Variants in FBN3 observed in about 807,000 individuals in gnomAD.
FBN3 encodes the protein fibrillin 3.
FBN3 carries 234 observed loss-of-function variants against 330.1 expected under a neutral mutation model. The observed-to-expected ratio is 0.71, with a 90% CI of 0.64 to 0.79. The LOEUF (loss-of-function observed/expected upper bound fraction) is 0.79, where lower values mean the gene tolerates loss of function less well. Among genes scored for constraint, FBN3 ranks in the 30% least tolerant of loss-of-function variants. The pLI, the probability that FBN3 is intolerant of heterozygous loss-of-function variation, is 0.00. For missense variants in FBN3, 3,606 were observed against 3,886.9 expected (o/e 0.93, Z 1.92); for synonymous variants, 1,458 against 1,517.3 (o/e 0.96, Z 0.91).
chr19:8,070,310 AGAT>A (rs367964529), intron 63 of FBN3, among the ~76,000 whole-genome samples: 3 of 152,352 alleles, frequency 2.0e-5, no homozygotes, highest in Admixed American at 6.5e-5. Context: ...GTGTTATAAA[AGAT>A]GATATGTTTT....
chr19:8,091,339 CAG>C, intron 48 of FBN3, 124 bp downstream of exon 48: 1 of 1,299,610 alleles, frequency 7.7e-7, no homozygotes. Context: ...CTAATGCAAA[CAG>C]ACACCTCTGC....
intron 56 of FBN3, among the ~76,000 whole-genome samples, chr19:8,083,866 G>A (rs574158250): frequency 7.1e-4 from 105 of 147,490 alleles, no homozygotes; most frequent in African/African-American, 2.4e-3. Context: ...GCAGTGACAC[G>A]ATCTCTGCTC....
At chr19:8,107,225 G>A (rs563619442) in intron 37 of FBN3, among the ~76,000 whole-genome samples, 2 of 144,568 alleles carry the variant, frequency 1.4e-5, no homozygotes, top group African/African-American at 5.0e-5. Flanking sequence ...ATGGTTGGGT[G>A]GAAGGATGGA....
chr19:8,109,171 G>T lies in FBN3; in HGVS notation c.4618+56C>A. The T allele has an allele frequency of 2.6e-6, 4 of 1,558,808 alleles. No homozygotes were observed. In the South Asian group the frequency reaches 4.7e-5, roughly 18 times the overall value. ...GCCATTAGCAGAGGTGACCCCCTAA[G>T]CTCCCGGGCCTCGGTGGCTTAGGTC... On this transcript the variant is annotated intron_variant, in intron 36 of 63. Coordinates refer to ENST00000600128, the MANE Select transcript of FBN3 (RefSeq NM_032447.5). This position sits in a 1 kb window ranked among gnomAD's most constrained non-coding sequence, Gnocchi z 5.2.
chr19:8,085,356 C>T lies in FBN3; in HGVS notation c.7087+7G>A. On this transcript the variant is annotated splice_region_variant and intron_variant, in intron 56 of 63. Transcript: ENST00000600128. ...TCCCTGGGGGTCCTGAGGGCATGGG[C>T]ACCCACCTCGGCCCTCAGCAGTGTA... The T allele has an allele frequency of 1.3e-6, 2 of 1,563,618 alleles. No homozygotes were observed. The highest frequency in any genetic ancestry group is 1.2e-5 in the South Asian group (1 of 84,546).
intron 10 of FBN3, among the ~76,000 whole-genome samples, chr19:8,136,900 T>A (rs1020901645): frequency 6.0e-5 from 4 of 66,850 alleles, no homozygotes; most frequent in Non-Finnish European, 1.1e-4. Context: ...CCCTCCAACC[T>A]GGGGCCTGGA....
At chr19:8,127,048 G>GTTTTTTT (rs140844932) in intron 18 of FBN3, among the ~76,000 whole-genome samples, 3 of 113,916 alleles carry the variant, frequency 2.6e-5, no homozygotes, top group African/African-American at 9.4e-5. Context: ...ATGCCAAACT[G>GTTTTTTT]TTTTTTTTTT....
Position 8,065,977 on chromosome 19 carries a change from C to T in FBN3, c.8372G>A (p.Gly2791Glu). Residue 2791 changes from glycine to glutamate, a missense_variant, in exon 64 of 64, where the codon GGG becomes GAG. Transcript: ENST00000600128. ...MAGPWGVQPE[G>E]QPGPWGQALR... ...GGCCTGGCCCCATGGCCCTGGCTGC[C>T]CCTCTGGCTGGACACCCCAGGGTCC... 1.2e-6 allele frequency: 2 copies of T among 1,611,470 alleles called. No homozygotes were observed. The highest frequency in any genetic ancestry group is 8.5e-7 in the Non-Finnish European group (1 of 1,178,850).
chr19:8,089,546 C>T lies in FBN3; in HGVS notation c.6375G>A (p.Val2125=). ...YSLDFTGINC[V]DTDECSVGHP... Reference sequence around the variant, plus strand: ...GCTGGGGAAGGGCTGGCCACTCACCCACACAGTTGATGCCAGTGAAGTCCA... The same window carrying T: ...GCTGGGGAAGGGCTGGCCACTCACCTACACAGTTGATGCCAGTGAAGTCCA... Residue 2125 remains valine (V), a splice_region_variant and synonymous_variant, in exon 51 of 64, where the codon GTG becomes GTA. Transcript: ENST00000600128. The T allele has an allele frequency of 1.2e-6, 2 of 1,614,020 alleles. No homozygotes were observed. The highest frequency in any genetic ancestry group is 1.7e-6 in the Non-Finnish European group (2 of 1,179,930).
At chr19:8,100,301 T>G (rs554317610) in intron 41 of FBN3, among the ~76,000 whole-genome samples, 4 of 151,818 alleles carry the variant, frequency 2.6e-5, no homozygotes, top group African/African-American at 7.3e-5. Context: ...GTGTACTTAA[T>G]GCCACTGAAC....
At chr19:8,120,178 T>C (rs963163083) in intron 25 of FBN3, among the ~76,000 whole-genome samples, 1 of 149,236 alleles carries the variant, frequency 6.7e-6, no homozygotes, top group African/African-American at 2.5e-5. Context: ...TTTTTTTTTT[T>C]TTTAATTTGG....
In FBN3 at chr19:8,131,736, G is replaced by T. The variant is rs371118149; in HGVS notation, c.1808C>A (p.Ala603Glu). 2.1e-5 allele frequency: 34 copies of T among 1,613,448 alleles called. No individual in the cohort carries two copies. Among genetic ancestry groups the T allele is most frequent in the Admixed American group, 6.7e-5 (4 of 59,962 alleles). The change falls in exon 15 of 64, where the codon GCG (alanine) becomes GAG (glutamate). Residue 603 changes from alanine (A) to glutamate (E), a missense_variant. Coordinates refer to ENST00000600128, the MANE Select transcript of FBN3 (RefSeq NM_032447.5). The surrounding 1 kb of genome is among the most constrained non-coding windows in gnomAD (Gnocchi z 4.5). ...GCACACGCGGCCATCCGTGCCTACC[G>T]CCAGCCCCCCCAGGCACTGGCAGCG... ...SFRCQCLGGLAVGTDGRVCVD... is the reference protein window; with the variant it reads ...SFRCQCLGGLEVGTDGRVCVD...
At position 8,131,095 on chromosome 19, in the gene FBN3, C is replaced by T. The variant is rs2083135018; in HGVS notation, c.2044+140G>A. On this transcript the variant is annotated intron_variant, in intron 16 of 63. Transcript: ENST00000600128. The surrounding 1 kb of genome is among the most constrained non-coding windows in gnomAD (Gnocchi z 4.5). ...GCCTGCAGGAGTGTGAGAGAATCAG[C>T]TTCTGTTGTTGAAGCCGTCTGGTCT... 1.4e-6 allele frequency: 1 copy of T among 699,756 alleles called. No homozygotes were observed. Among genetic ancestry groups the T allele is most frequent in the Non-Finnish European group, 2.4e-6 (1 of 419,024 alleles). 43.3% of individuals were successfully genotyped at this position (699,756 alleles called of 1,614,324 possible).
intron 37 of FBN3, among the ~76,000 whole-genome samples, chr19:8,107,541 ATGGATGGTCGGG>A (rs2082472348): frequency 7.0e-6 from 1 of 143,408 alleles, no homozygotes; most frequent in African/African-American, 2.6e-5. Context: ...GGATGAATGG[ATGGATGGTCGGG>A]TGGAAGGATG....
chr19:8,122,387 GAC>G (rs1309803288), intron 24 of FBN3, among the ~76,000 whole-genome samples: 1 of 151,988 alleles, frequency 6.6e-6, no homozygotes, highest in African/African-American at 2.4e-5. Context: ...TTATATTTGA[GAC>G]ACAGTCTCGT....
chr19:8,090,494 T>TC (rs2082073133), intron 48 of FBN3, among the ~76,000 whole-genome samples: 1 of 150,588 alleles, frequency 6.6e-6, no homozygotes, highest in Non-Finnish European at 1.5e-5. Context: ...GTGGTTTTTT[T>TC]TTTTTTTCAG....
intron 47 of FBN3, among the ~76,000 whole-genome samples, chr19:8,094,101 C>A (rs2144716998): frequency 6.6e-6 from 1 of 152,220 alleles, no homozygotes; most frequent in Non-Finnish European, 1.5e-5. Flanking sequence ...TGCATGAAAT[C>A]ATCTCTATGG....
chr19:8,072,299 A>G, intron 62 of FBN3, 101 bp from the exon 63 acceptor site: 1 of 1,263,018 alleles, frequency 7.9e-7, no homozygotes, highest in South Asian at 1.5e-5. Context: ...GTCATGCTGC[A>G]AATGCCCACG....
In FBN3 at chr19:8,137,369, C is replaced by T. The variant is rs370096832; in HGVS notation, c.1201+772G>A. Among the ~76,000 whole-genome samples, 6 of 149,590 alleles carry T rather than the reference C, an allele frequency of 4.0e-5. No individual in the cohort carries two copies. The East Asian group carries it at 9.8e-4, about 24-fold the overall frequency. On this transcript the variant is annotated intron_variant, in intron 10 of 63. Transcript: ENST00000600128. ...GCCTTAGATCCCTCCAACCTGGAGC[C>T]TAGATCCCTCCAACCTGGAGCCTAG...
Sources: gnomAD v4.1 joint callset for allele counts (sites outside exome capture counted in the v4.1 genomes callset) on GRCh38, gnomAD v4.1.1 for gene constraint, Gnocchi (gnomAD v3.1) non-coding constraint, MANE v1.5 for transcripts, NCBI Gene and HGNC (gene_info 2026-07-23, HGNC 2026-07-21) for gene names.